MDGA2: variants seen among roughly 807,000 people sequenced by gnomAD.
The protein encoded by MDGA2 is MAM domain containing glycosylphosphatidylinositol anchor 2.
Under a neutral mutation model 117.8 loss-of-function variants are expected in MDGA2, and 40 were observed. The observed-to-expected ratio is 0.34, with a 90% CI of 0.26 to 0.44. MDGA2 has a LOEUF of 0.44. MDGA2 is among the 20% of genes least tolerant of loss of function. The pLI is 1.00. For synonymous variants in MDGA2, 452 were observed against 439.0 expected (o/e 1.03, Z -0.37); for missense variants, 1,123 against 1,250.6 (o/e 0.90, Z 1.54).
chr14:47,667,514 T>C (rs753671142), intron 1 of MDGA2, among the ~76,000 whole-genome samples: 20 of 152,230 alleles, frequency 1.3e-4, no homozygotes, highest in Non-Finnish European at 2.4e-4. Context: ...AAGATGGTAT[T>C]TCTTCAGGCA....
chr14:47,453,009 T>C (rs1013040073), intron 1 of MDGA2, among the ~76,000 whole-genome samples: 12 of 152,072 alleles, frequency 7.9e-5, no homozygotes, highest in Admixed American at 7.9e-4. Context: ...ATTATGTCAC[T>C]AATAATTTGG....
chr14:47,521,662 C>T (rs576422335), intron 1 of MDGA2, among the ~76,000 whole-genome samples: 5 of 152,040 alleles, frequency 3.3e-5, no homozygotes, highest in South Asian at 4.2e-4. Flanking sequence ...TATCTCCATA[C>T]GCATGTTTGT....
At chr14:47,332,018 G>T (rs377500220) in intron 1 of MDGA2, among the ~76,000 whole-genome samples, 7 of 152,068 alleles carry the variant, frequency 4.6e-5, no homozygotes, top group African/African-American at 1.7e-4. Flanking sequence ...CCAGTTATTC[G>T]CATGTCTAGT....
intron 1 of MDGA2, among the ~76,000 whole-genome samples, chr14:47,534,841 G>C (rs913745196): frequency 2.0e-5 from 3 of 152,100 alleles, no homozygotes; most frequent in African/African-American, 7.2e-5. Flanking sequence ...ACATATAATG[G>C]AAAACCTCCC....
intron 2 of MDGA2, among the ~76,000 whole-genome samples, chr14:47,276,394 T>C (rs1294022799): frequency 6.6e-6 from 1 of 152,132 alleles, no homozygotes; most frequent in Non-Finnish European, 1.5e-5. Context: ...GCAAATACCT[T>C]ATTCTTAAAT....
rs555749480 is a variant in MDGA2, at chr14:47,151,869, T to C, written c.596-7595A>G. Among the ~76,000 whole-genome samples, 13 of 152,076 alleles carry C rather than the reference T, an allele frequency of 8.5e-5. No individual in the cohort carries two copies. In the South Asian group the frequency reaches 2.3e-3, roughly 27 times the overall value. On this transcript the variant is annotated intron_variant, in intron 3 of 16. Transcript: ENST00000399232. ...ATATTTATATTCTTAAAAACCAATATAATAGGCACACTCAATAATCTAATA... is the reference window on the plus strand; with the variant it reads ...ATATTTATATTCTTAAAAACCAATACAATAGGCACACTCAATAATCTAATA...
At position 46,855,049 on chromosome 14, in the gene MDGA2, T is replaced by G. The variant is rs1881213924; in HGVS notation, c.2858A>C (p.Asn953Thr). 7 of 1,610,164 alleles carry G rather than the reference T, an allele frequency of 4.3e-6. No homozygotes were observed. Among genetic ancestry groups the G allele is most frequent in the African/African-American group, 2.7e-5 (2 of 74,694 alleles). The change falls in exon 15 of 17, where the codon AAT becomes ACT. Residue 953 changes from asparagine to threonine, a missense_variant. Around this residue, in one of 2 missense-constraint regions of MDGA2, gnomAD observed 890 missense variants for 1,050.3 expected, o/e 0.85. Transcript: ENST00000399232. This position sits in a 1 kb window ranked among gnomAD's most constrained non-coding sequence, Gnocchi z 4.1. Reference protein sequence around the residue: ...KGQRWNEAHVNIYPITSFQLI... With the variant: ...KGQRWNEAHVTIYPITSFQLI... The stretch of plus-strand genomic sequence containing the variant: ...CTGAAATGAAGTAATTGGGTATATA[T>G]TAACATGAGCCTCATTCCATCTTTG...
At chr14:47,512,130 C>G (rs1338219223) in intron 1 of MDGA2, among the ~76,000 whole-genome samples, 1 of 152,140 alleles carries the variant, frequency 6.6e-6, no homozygotes, top group Non-Finnish European at 1.5e-5. Context: ...CATTGAACAC[C>G]ATGCATATCA....
At chr14:47,573,038 G>GT (rs144670945) in intron 1 of MDGA2, among the ~76,000 whole-genome samples, 11 of 151,698 alleles carry the variant, frequency 7.3e-5, no homozygotes, top group South Asian at 6.3e-4. Flanking sequence ...ACAGTCTTCT[G>GT]TTTTTTTTAG....
intron 3 of MDGA2, among the ~76,000 whole-genome samples, chr14:47,157,595 A>ATGTGTGTGTGTG (rs55697311): frequency 3.5e-5 from 5 of 144,436 alleles, no homozygotes; most frequent in African/African-American, 1.0e-4. Flanking sequence ...ATGTACATAT[A>ATGTGTGTGTGTG]TGTGTGTGTG....
chr14:47,577,104 C>T (rs1896130067), intron 1 of MDGA2, among the ~76,000 whole-genome samples: 1 of 151,978 alleles, frequency 6.6e-6, no homozygotes, highest in African/African-American at 2.4e-5. Context: ...GTGCATATTT[C>T]TGTAAAGGAG....
At chr14:47,261,499 T>C (rs1186960489) in intron 2 of MDGA2, among the ~76,000 whole-genome samples, 1 of 152,126 alleles carries the variant, frequency 6.6e-6, no homozygotes, top group African/African-American at 2.4e-5. Flanking sequence ...AAGAATGGCA[T>C]ATCATAAGAT....
intron 3 of MDGA2, among the ~76,000 whole-genome samples, chr14:47,177,576 C>T (rs1884522606): frequency 6.6e-6 from 1 of 152,146 alleles, no homozygotes. Context: ...CGCATGTTCT[C>T]ACTCATAGGT....
chr14:47,593,786 G>A (rs1289227837), intron 1 of MDGA2, among the ~76,000 whole-genome samples: 2 of 152,040 alleles, frequency 1.3e-5, no homozygotes, highest in Non-Finnish European at 2.9e-5. Flanking sequence ...TTAATACCTA[G>A]GTGAAGGGCT....
chr14:47,153,304 A>C lies in MDGA2; in HGVS notation c.596-9030T>G, dbSNP rs1252037641. Reference sequence around the variant, plus strand: ...AAGGGTGACAATGGGCATGGAGAGGAGGCTTAACTGAACTGAACTAGGTGA... The same window carrying C: ...AAGGGTGACAATGGGCATGGAGAGGCGGCTTAACTGAACTGAACTAGGTGA... On this transcript the variant is annotated intron_variant, in intron 3 of 16. Coordinates refer to ENST00000399232, the MANE Select transcript of MDGA2 (RefSeq NM_001113498.3). Among the ~76,000 whole-genome samples, 6 of 152,116 alleles carry C rather than the reference A, an allele frequency of 3.9e-5. No individual in the cohort carries two copies. The East Asian group carries it at 1.2e-3, about 29-fold the overall frequency.
chr14:47,387,279 A>T (rs546349348), intron 1 of MDGA2, among the ~76,000 whole-genome samples: 1 of 152,272 alleles, frequency 6.6e-6, no homozygotes, highest in East Asian at 1.9e-4. Flanking sequence ...CAAACAGTAA[A>T]GTGGGTTACT....
rs1387518626 is a variant in MDGA2 at position 46,855,579 on chromosome 14, T to C, written c.2753-425A>G. Among the ~76,000 whole-genome samples, 4 of 152,150 alleles carry C rather than the reference T, an allele frequency of 2.6e-5. No homozygotes were observed. The South Asian group carries it at 8.3e-4, about 31-fold the overall frequency. On this transcript the variant is annotated intron_variant, in intron 14 of 16. Coordinates refer to ENST00000399232, the MANE Select transcript of MDGA2 (RefSeq NM_001113498.3). This position sits in a 1 kb window ranked among gnomAD's most constrained non-coding sequence, Gnocchi z 4.1. ...GGCTACAAGGACTACTGGCAGCTTCTTGAAGCTAGTAAAGGCAAAGGAAAG... is the reference window on the plus strand; with the variant it reads ...GGCTACAAGGACTACTGGCAGCTTCCTGAAGCTAGTAAAGGCAAAGGAAAG...
chr14:46,968,619 G>A (rs1251457170), intron 8 of MDGA2, among the ~76,000 whole-genome samples: 8 of 151,958 alleles, frequency 5.3e-5, no homozygotes, highest in Non-Finnish European at 1.2e-4. Context: ...GGATCACAAA[G>A]TCAGGAGTTC....
rs563885447 is a variant in MDGA2 at position 47,584,927 on chromosome 14, C to G, written c.280+89590G>C. Among the ~76,000 whole-genome samples, 4 of 151,894 alleles carry G rather than the reference C, an allele frequency of 2.6e-5. No homozygotes were observed. The South Asian group carries it at 6.2e-4, about 24-fold the overall frequency. ...CTTCCTCTTCAACCTGAATGGTACA[C>G]ATTTATTCATATCAGGATGACACTC... is the stretch of plus-strand genomic sequence containing the variant. On this transcript the variant is annotated intron_variant, in intron 1 of 16. Coordinates refer to ENST00000399232, the MANE Select transcript of MDGA2 (RefSeq NM_001113498.3).
Sources: allele counts gnomAD v4.1 joint callset (sites outside exome capture counted in the v4.1 genomes callset), GRCh38; gene constraint gnomAD v4.1.1; regional missense constraint gnomAD v4.1.1; non-coding constraint Gnocchi (gnomAD v3.1); transcripts MANE v1.5; gene names NCBI Gene and HGNC (gene_info 2026-07-23, HGNC 2026-07-21).